KCNAB1: variants seen among roughly 807,000 people sequenced by gnomAD.
KCNAB1 encodes the protein potassium voltage-gated channel subfamily A regulatory beta subunit 1.
In KCNAB1, 35 loss-of-function variants were observed where a neutral mutation model predicts 64.6. The observed-to-expected ratio is 0.54, with a 90% confidence interval of 0.41 to 0.72. The LOEUF (loss-of-function observed/expected upper bound fraction) is 0.72, where lower values mean the gene tolerates loss of function less well. Among genes scored for constraint, KCNAB1 ranks in the 30% least tolerant of loss-of-function variants. The probability of loss-of-function intolerance (pLI) is 0.00; values close to 1 mark genes in which losing one functional copy is unlikely to be tolerated. For synonymous variants in KCNAB1, 177 were observed against 183.8 expected (o/e 0.96, Z 0.30); for missense variants, 401 against 512.9 (o/e 0.78, Z 2.11).
chr3:156,470,740 T>C (rs1463710647), intron 7 of KCNAB1, among the ~76,000 whole-genome samples: 1 of 152,242 alleles, frequency 6.6e-6, no homozygotes, highest in Non-Finnish European at 1.5e-5. Context: ...AAAGCTCTGC[T>C]TGAAACTTTT....
intron 1 of KCNAB1, among the ~76,000 whole-genome samples, chr3:156,142,407 A>G (rs1167441750): frequency 6.6e-6 from 1 of 152,122 alleles, no homozygotes; most frequent in Admixed American, 6.6e-5. Context: ...ATCCATGATC[A>G]ATTTTGCGTT....
intron 1 of KCNAB1, among the ~76,000 whole-genome samples, chr3:156,271,696 C>A (rs892855941): frequency 3.9e-5 from 6 of 152,252 alleles, no homozygotes; most frequent in Admixed American, 2.0e-4. Flanking sequence ...GTCCCTGGTG[C>A]CTTGTTTAGT....
At chr3:156,280,604 G>A (rs1171416209) in intron 1 of KCNAB1, among the ~76,000 whole-genome samples, 7 of 148,552 alleles carry the variant, frequency 4.7e-5, no homozygotes, top group Admixed American at 1.3e-4. Flanking sequence ...CCATGAGCAT[G>A]GAATGTTCTT....
At chr3:156,530,056 T>G (rs1472394907) in intron 12 of KCNAB1, among the ~76,000 whole-genome samples, 5 of 152,140 alleles carry the variant, frequency 3.3e-5, no homozygotes, top group Non-Finnish European at 5.9e-5. Flanking sequence ...GGACTGACCT[T>G]TTAGAAGTTT....
At chr3:156,310,144 TC>T (rs1426309306) in intron 1 of KCNAB1, among the ~76,000 whole-genome samples, 1 of 152,106 alleles carries the variant, frequency 6.6e-6, no homozygotes, top group East Asian at 1.9e-4. Context: ...GTGGTCTTTC[TC>T]CCCTCACTAA....
intron 1 of KCNAB1, among the ~76,000 whole-genome samples, chr3:156,163,065 G>T (rs941674752): frequency 6.6e-6 from 1 of 152,184 alleles, no homozygotes; most frequent in African/African-American, 2.4e-5. Context: ...GTATTTGAAA[G>T]TAAGATTCAC....
At chr3:156,188,761 G>A (rs1713369554) in intron 1 of KCNAB1, among the ~76,000 whole-genome samples, 1 of 152,184 alleles carries the variant, frequency 6.6e-6, no homozygotes, top group Non-Finnish European at 1.5e-5. Flanking sequence ...TGTCTCAGTT[G>A]TAATCATCAT....
intron 1 of KCNAB1, among the ~76,000 whole-genome samples, chr3:156,189,706 A>T (rs542947715): frequency 6.6e-6 from 1 of 150,586 alleles, no homozygotes; most frequent in Non-Finnish European, 1.5e-5. Context: ...CTTTTCAGTA[A>T]TCGTCAGTTA....
At chr3:156,472,334 T>C (rs914882435) in intron 7 of KCNAB1, among the ~76,000 whole-genome samples, 3 of 152,204 alleles carry the variant, frequency 2.0e-5, no homozygotes, top group African/African-American at 7.2e-5. Flanking sequence ...CCTTCACTCT[T>C]GTGCCTTCAG....
chr3:156,240,642 C>G (rs563420627), intron 1 of KCNAB1, among the ~76,000 whole-genome samples: 1 of 152,298 alleles, frequency 6.6e-6, no homozygotes, highest in African/African-American at 2.4e-5. Context: ...ATATTACCAT[C>G]CTATCCGCTT....
At chr3:156,371,665 G>A (rs535430945) in intron 1 of KCNAB1, among the ~76,000 whole-genome samples, 3 of 152,246 alleles carry the variant, frequency 2.0e-5, no homozygotes, top group African/African-American at 4.8e-5. Flanking sequence ...AGGAATTGGG[G>A]CTTGAATGTA....
chr3:156,236,777 G>T (rs1269915933), intron 1 of KCNAB1, among the ~76,000 whole-genome samples: 1 of 152,028 alleles, frequency 6.6e-6, no homozygotes, highest in Non-Finnish European at 1.5e-5. Context: ...ATGGTGTCTG[G>T]TTGCTGGCAG....
At chr3:156,219,125 A>C (rs1470938399) in intron 1 of KCNAB1, among the ~76,000 whole-genome samples, 2 of 152,162 alleles carry the variant, frequency 1.3e-5, no homozygotes, top group Non-Finnish European at 2.9e-5. Flanking sequence ...TAATTGCCAG[A>C]AAAAGGATTC....
chr3:156,457,437 T>C lies in KCNAB1; in HGVS notation c.358-16T>C. ...AGCATTTGGCTTTTCTGAGTGACCTTTCTCTCCCCTTGCAGGTTGCTGAAC... is the reference window on the plus strand; with the variant it reads ...AGCATTTGGCTTTTCTGAGTGACCTCTCTCTCCCCTTGCAGGTTGCTGAAC... On this transcript the variant is annotated splice_polypyrimidine_tract_variant and intron_variant, in intron 3 of 13. Coordinates refer to ENST00000490337, the MANE Select transcript of KCNAB1 (RefSeq NM_172160.3). 6.2e-7 allele frequency: 1 copy of C among 1,613,578 alleles called. No homozygotes were observed. The highest frequency in any genetic ancestry group is 8.5e-7 in the Non-Finnish European group (1 of 1,179,628).
At chr3:156,362,882 T>C (rs1725699838) in intron 1 of KCNAB1, among the ~76,000 whole-genome samples, 1 of 152,144 alleles carries the variant, frequency 6.6e-6, no homozygotes, top group Non-Finnish European at 1.5e-5. Flanking sequence ...TAAACAACAA[T>C]TCTGAGAACA....
chr3:156,291,434 T>C, intron 1 of KCNAB1: 14 of 1,008,086 alleles, frequency 1.4e-5, no homozygotes, highest in Non-Finnish European at 1.7e-5. Flanking sequence ...CAGGGGATGC[T>C]GGCGGCGCAT....
At chr3:156,515,277 CG>C (rs1476777204) in intron 10 of KCNAB1, 57 bp downstream of exon 10, 6 of 1,500,030 alleles carry the variant, frequency 4.0e-6, no homozygotes, top group Admixed American at 2.0e-5. Flanking sequence ...ATCACTGATT[CG>C]GGGAAAAAAT....
chr3:156,528,902 G>A (rs1370214920), intron 12 of KCNAB1, among the ~76,000 whole-genome samples: 3 of 152,204 alleles, frequency 2.0e-5, no homozygotes, highest in Non-Finnish European at 4.4e-5. Context: ...GCACTAGCTA[G>A]GGAAGTGATA....
intron 1 of KCNAB1, among the ~76,000 whole-genome samples, chr3:156,395,477 G>A (rs1397381686): frequency 5.0e-5 from 7 of 140,284 alleles, no homozygotes; most frequent in South Asian, 4.5e-4. Context: ...CCAGGGAGGC[G>A]GAGCTTGCAG....
Sources: allele counts gnomAD v4.1 joint callset (sites outside exome capture counted in the v4.1 genomes callset), GRCh38; gene constraint gnomAD v4.1.1; transcripts MANE v1.5; gene names NCBI Gene and HGNC (gene_info 2026-07-23, HGNC 2026-07-21).